The following HEATR4 variants were observed in gnomAD, a reference collection of about 807,000 sequenced individuals.
The protein encoded by HEATR4 is HEAT repeat-containing protein 4.
A neutral mutation model predicts 108.8 loss-of-function variants in HEATR4; 95 were observed. The ratio of observed to expected loss-of-function variants is 0.87; its 90% CI spans 0.74 to 1.04. The LOEUF is 1.04. Ranked by LOEUF, HEATR4 falls within the 50% of genes least tolerant of loss-of-function variation. HEATR4 has a pLI of 0.00. For missense variants in HEATR4, 1,152 were observed against 1,253.8 expected, an observed-to-expected ratio of 0.92 and a Z score of 1.23; for synonymous variants, 443 against 459.4, an observed-to-expected ratio of 0.96 and a Z score of 0.46.
At chr14:73,537,249 T>C in intron 1 of HEATR4, 1 of 537,868 alleles carries the variant, frequency 1.9e-6, no homozygotes, top group Non-Finnish European at 2.9e-6. Context: ...AGTGTGTCTA[T>C]ATTTGGTCTG....
intron 2 of HEATR4, among the ~76,000 whole-genome samples, chr14:73,527,016 T>C (rs187980114): frequency 1.3e-5 from 2 of 152,214 alleles, no homozygotes; most frequent in Admixed American, 1.3e-4. Context: ...TTTTCCCTTA[T>C]CTTACCCAAG....
the HEATR4 span, chr14:73,571,247 C>T: frequency 6.5e-6 from 1 of 153,982 alleles, no homozygotes; most frequent in Non-Finnish European, 1.4e-5. Context: ...TGTGGCCTCT[C>T]CTCTTGGCCT....
At chr14:73,508,633 C>T (rs1454275301) in intron 8 of HEATR4, among the ~76,000 whole-genome samples, 7 of 151,268 alleles carry the variant, frequency 4.6e-5, no homozygotes, top group Admixed American at 6.6e-5. Context: ...CCTGTAATCC[C>T]AGCTACTTGG....
chr14:73,619,965 G>A, the HEATR4 span: 3 of 1,117,922 alleles, frequency 2.7e-6, no homozygotes, highest in Admixed American at 3.1e-5. Flanking sequence ...AGGCTGGAGT[G>A]CAGTGGCATA....
the HEATR4 span, among the ~76,000 whole-genome samples, chr14:73,615,401 AAAAAAAC>A: frequency 4.1e-4 from 38 of 93,650 alleles, 1 homozygote; most frequent in African/African-American, 9.0e-4. Context: ...AAAAAAAAAA[AAAAAAAC>A]AAAAAACAAA....
intron 1 of HEATR4, among the ~76,000 whole-genome samples, chr14:73,557,268 G>A (rs71427199): frequency 8.8e-6 from 1 of 113,884 alleles, no homozygotes; most frequent in African/African-American, 2.8e-5. Context: ...ATCCCCAGCT[G>A]GAAAACGTAG....
rs529585593 is a variant in HEATR4, at chr14:73,521,378, C to T, written c.882-339G>A. 9.5e-4 allele frequency among the ~76,000 whole-genome samples: 145 copies of T among 152,244 alleles called. 1 individual carries two copies. The highest frequency in any genetic ancestry group is 3.2e-3 in the African/African-American group (135 of 41,554). On this transcript the variant is annotated intron_variant, in intron 3 of 17. Transcript: ENST00000553558. ...GCATGGCCTTGGGGAAGGGATCCCACCTCCTTCGTCATCTCACTCTGTCTA... is the reference window on the plus strand; with the variant it reads ...GCATGGCCTTGGGGAAGGGATCCCATCTCCTTCGTCATCTCACTCTGTCTA...
chr14:73,484,667 A>G (rs1372348120), intron 17 of HEATR4, among the ~76,000 whole-genome samples: 2 of 151,954 alleles, frequency 1.3e-5, no homozygotes, highest in Admixed American at 1.3e-4. Flanking sequence ...GGCATGAGCC[A>G]CCACACCCAG....
the HEATR4 span, among the ~76,000 whole-genome samples, chr14:73,606,902 C>T: frequency 6.6e-6 from 1 of 152,196 alleles, no homozygotes; most frequent in Admixed American, 6.6e-5. Flanking sequence ...CTTTTAACTA[C>T]TCAATAATTT....
chr14:73,584,212 C>T, the HEATR4 span, among the ~76,000 whole-genome samples: 1 of 151,658 alleles, frequency 6.6e-6, no homozygotes, highest in Non-Finnish European at 1.5e-5. Context: ...CCTAGGATCA[C>T]AGTTAAACGG....
At chr14:73,516,867 C>T (rs1887633073) in intron 5 of HEATR4, among the ~76,000 whole-genome samples, 1 of 152,208 alleles carries the variant, frequency 6.6e-6, no homozygotes, top group African/African-American at 2.4e-5. Context: ...TGAGGTGGAA[C>T]CATTTCATCC....
intron 16 of HEATR4, among the ~76,000 whole-genome samples, chr14:73,494,836 C>G (rs2140253690): frequency 6.6e-6 from 1 of 152,284 alleles, no homozygotes; most frequent in African/African-American, 2.4e-5. Context: ...ACTGAGAGTC[C>G]AGGTGTGCGC....
intron 2 of HEATR4, among the ~76,000 whole-genome samples, chr14:73,524,336 T>TATATATATATATATATATA (rs1888198687): frequency 3.7e-5 from 5 of 134,548 alleles, no homozygotes; most frequent in African/African-American, 5.7e-5. Flanking sequence ...TATATATATA[T>TATATATATATATATATATA]TATAGCTGTA....
At chr14:73,485,161 C>T (rs1056275705) in intron 17 of HEATR4, among the ~76,000 whole-genome samples, 7 of 150,824 alleles carry the variant, frequency 4.6e-5, no homozygotes, top group Admixed American at 1.3e-4. Context: ...GAAACTCTGT[C>T]TCAAAAAAGA....
At chr14:73,560,536 G>A (rs1441128617), upstream of HEATR4, among the ~76,000 whole-genome samples, 5 of 151,640 alleles carry the variant, frequency 3.3e-5, no homozygotes, top group South Asian at 2.1e-4. Context: ...GGTGGCAGGC[G>A]CCTGTAGTCC....
chr14:73,509,266 T>C (rs1887050605), intron 8 of HEATR4, 46 bp downstream of exon 8: 1 of 1,561,560 alleles, frequency 6.4e-7, no homozygotes, highest in Non-Finnish European at 8.8e-7. Flanking sequence ...GATAGTGAGA[T>C]GTCTATCCCA....
At chr14:73,577,311 C>G in the HEATR4 span, among the ~76,000 whole-genome samples, 2 of 135,384 alleles carry the variant, frequency 1.5e-5, no homozygotes, top group African/African-American at 5.6e-5. Context: ...AGATGATACC[C>G]TGAGATGAAG....
At position 73,541,515 on chromosome 14, in the gene HEATR4, T is replaced by C. The variant is rs776297233; in HGVS notation, c.-151-11271A>G. Reference sequence around the variant, plus strand: ...AAGAACCTGGGCCCTTTCCTGGCATTGTGGACATGTTCGGAACTGGAGGTG... The same window carrying C: ...AAGAACCTGGGCCCTTTCCTGGCATCGTGGACATGTTCGGAACTGGAGGTG... On this transcript the variant is annotated intron_variant, in intron 1 of 17. Transcript: ENST00000553558. 6 of 1,245,034 alleles carry C rather than the reference T, an allele frequency of 4.8e-6. 1 individual carries two copies. The Admixed American group carries it at 9.6e-5, about 20-fold the overall frequency. The allele number at this position is 1,245,034 out of a possible 1,614,324, so 77.1% of individuals were successfully genotyped here. A position where few individuals can be genotyped will look rare whatever the true frequency, so the allele number is the denominator to read the frequency against.
the HEATR4 span, among the ~76,000 whole-genome samples, chr14:73,579,264 TTAAAAAAA>T: frequency 1.1e-4 from 1 of 8,960 alleles, no homozygotes; most frequent in Non-Finnish European, 2.0e-4. Context: ...CTCAAAAAAA[TTAAAAAAA>T]AAAAAAAAAA....
Sources: gnomAD v4.1 joint callset for allele counts (sites outside exome capture counted in the v4.1 genomes callset) on GRCh38, gnomAD v4.1.1 for gene constraint, MANE v1.5 for transcripts, NCBI Gene and HGNC (gene_info 2026-07-23, HGNC 2026-07-21) for gene names.